The following COL5A2 variants were observed in gnomAD, a reference collection of about 807,000 sequenced individuals.
COL5A2 encodes collagen type V alpha 2 chain, also known as collagen alpha-2(V) chain.
Under a neutral mutation model 208.2 loss-of-function variants are expected in COL5A2, and 23 were observed. The ratio of observed to expected loss-of-function variants is 0.11; its 90% CI spans 0.08 to 0.16. The LOEUF (loss-of-function observed/expected upper bound fraction) is 0.16, where lower values mean the gene tolerates loss of function less well. Ranked by LOEUF, COL5A2 falls within the 10% of genes least tolerant of loss-of-function variation. COL5A2 has a pLI of 1.00. For synonymous variants in COL5A2, 625 were observed against 628.5 expected, an observed-to-expected ratio of 0.99 and a Z score of 0.08; for missense variants, 1,590 against 1,956.4, an observed-to-expected ratio of 0.81 and a Z score of 3.53.
chr2:189,073,483 T>C (rs1010291233), intron 17 of COL5A2, among the ~76,000 whole-genome samples: 1 of 152,180 alleles, frequency 6.6e-6, no homozygotes, highest in Non-Finnish European at 1.5e-5. Context: ...CTTTAAAAAA[T>C]ACTGATTTCT....
the COL5A2 span, among the ~76,000 whole-genome samples, chr2:189,329,569 C>G: frequency 6.6e-6 from 1 of 152,062 alleles, no homozygotes; most frequent in African/African-American, 2.4e-5. Flanking sequence ...TATATCAAAA[C>G]ATGTTGTATA....
chr2:189,274,067 T>C, the COL5A2 span, among the ~76,000 whole-genome samples: 1 of 152,170 alleles, frequency 6.6e-6, no homozygotes, highest in Non-Finnish European at 1.5e-5. Context: ...GATTTAGCTG[T>C]TCTACAATGT....
At chr2:189,412,081 C>T in the COL5A2 span, among the ~76,000 whole-genome samples, 1 of 152,118 alleles carries the variant, frequency 6.6e-6, no homozygotes, top group Non-Finnish European at 1.5e-5. Flanking sequence ...TGACTTTACA[C>T]ATGGAAATTA....
At chr2:189,100,502 G>A (rs1687026713) in intron 3 of COL5A2, among the ~76,000 whole-genome samples, 1 of 151,826 alleles carries the variant, frequency 6.6e-6, no homozygotes, top group African/African-American at 2.4e-5. Context: ...AACACAAAAA[G>A]AGCCAGAAAT....
chr2:189,375,604 G>A, the COL5A2 span, among the ~76,000 whole-genome samples: 1 of 152,142 alleles, frequency 6.6e-6, no homozygotes. Flanking sequence ...TAATAGAAGA[G>A]TTTTCCAGGT....
At position 189,034,030 on chromosome 2, in the gene COL5A2, A is replaced by G; in HGVS notation, c.*40T>C. On this transcript the variant is annotated 3_prime_UTR_variant, in exon 54 of 54. Coordinates refer to ENST00000374866, the MANE Select transcript of COL5A2 (RefSeq NM_000393.5). ...AAAGTTCTTGTGAATGGCGGTGGTC[A>G]TTGATGGTGGTGCTCATTGTCGATG... 6.2e-7 allele frequency: 1 copy of G among 1,613,500 alleles called. No individual in the cohort carries two copies. The highest frequency in any genetic ancestry group is 1.7e-4 in the Middle Eastern group (1 of 6,056).
chr2:189,041,748 C>T, intron 49 of COL5A2, 55 bp from the exon 50 acceptor site: 1 of 1,137,708 alleles, frequency 8.8e-7, no homozygotes, highest in South Asian at 1.2e-5. Context: ...TTTTACAATG[C>T]CTTTCTCTAA....
At chr2:189,278,632 T>C in the COL5A2 span, among the ~76,000 whole-genome samples, 3 of 152,132 alleles carry the variant, frequency 2.0e-5, no homozygotes, top group Non-Finnish European at 4.4e-5. Context: ...CTGAATTCTT[T>C]CATTTTTCTT....
chr2:189,291,381 C>T, the COL5A2 span, among the ~76,000 whole-genome samples: 1 of 152,100 alleles, frequency 6.6e-6, no homozygotes, highest in Admixed American at 6.6e-5. Context: ...CATTTTGCTA[C>T]ACATTATTTC....
chr2:189,153,224 C>A (rs771345302), intron 1 of COL5A2, among the ~76,000 whole-genome samples: 1 of 152,110 alleles, frequency 6.6e-6, no homozygotes, highest in Non-Finnish European at 1.5e-5. Flanking sequence ...GGGCAAAAAA[C>A]GTAATGTTAC....
chr2:189,251,528 C>A, the COL5A2 span, among the ~76,000 whole-genome samples: 1 of 152,066 alleles, frequency 6.6e-6, no homozygotes, highest in Non-Finnish European at 1.5e-5. Context: ...TTAAATAGTT[C>A]TTTATTGTCT....
the COL5A2 span, among the ~76,000 whole-genome samples, chr2:189,365,505 TGTC>T: frequency 6.6e-6 from 1 of 152,230 alleles, no homozygotes; most frequent in Non-Finnish European, 1.5e-5. Context: ...TTCTGCCACT[TGTC>T]AGTTCTATGG....
chr2:189,058,824 T>C, intron 32 of COL5A2, 25 bp downstream of exon 32: 1 of 1,608,706 alleles, frequency 6.2e-7, no homozygotes, highest in Non-Finnish European at 8.5e-7. Flanking sequence ...GAAACAACAT[T>C]AATCATGAAG....
At chr2:189,180,355 T>C (rs991771258), upstream of COL5A2, among the ~76,000 whole-genome samples, 1 of 152,166 alleles carries the variant, frequency 6.6e-6, no homozygotes, top group Non-Finnish European at 1.5e-5. Context: ...TTGTGATACA[T>C]TGTAATTTGA....
chr2:189,058,371 G>T (rs1576498922), intron 33 of COL5A2, 58 bp downstream of exon 33: 2 of 1,276,954 alleles, frequency 1.6e-6, no homozygotes, highest in Non-Finnish European at 2.3e-6. Context: ...ACCATCATGC[G>T]TTTATTAAGC....
chr2:189,033,773 G>A lies in COL5A2; in HGVS notation c.*297C>T, dbSNP rs137988249. 1.3e-4 allele frequency: 53 copies of A among 397,950 alleles called. No homozygotes were observed. Among genetic ancestry groups the A allele is most frequent in the African/African-American group, 8.5e-4 (42 of 49,670 alleles). 24.7% of individuals were successfully genotyped at this position (397,950 alleles called of 1,614,324 possible). A position where few individuals can be genotyped will look rare whatever the true frequency, so the allele number is the denominator to read the frequency against. On this transcript the variant is annotated 3_prime_UTR_variant, in exon 54 of 54. Coordinates refer to ENST00000374866, the MANE Select transcript of COL5A2 (RefSeq NM_000393.5). The stretch of plus-strand genomic sequence containing the variant: ...TACACTGAAATAAATTGAAGAAAAC[G>A]GAGATTTATTTATTCAATCAGTTTA...
chr2:189,061,546 C>G lies in COL5A2; in HGVS notation c.2031+16G>C. On this transcript the variant is annotated intron_variant, in intron 30 of 53. Coordinates refer to ENST00000374866, the MANE Select transcript of COL5A2 (RefSeq NM_000393.5). ...AGTTAATGGAAGATGAAATGGAAAACCGAATTAGTGCATACCTGAAAACCT... is the reference window on the plus strand; with the variant it reads ...AGTTAATGGAAGATGAAATGGAAAAGCGAATTAGTGCATACCTGAAAACCT... 1 of 1,598,200 alleles carries G rather than the reference C, an allele frequency of 6.3e-7. No individual in the cohort carries two copies. Among genetic ancestry groups the G allele is most frequent in the Middle Eastern group, 1.7e-4 (1 of 6,030 alleles).
At chr2:189,315,256 C>T in the COL5A2 span, among the ~76,000 whole-genome samples, 1 of 152,112 alleles carries the variant, frequency 6.6e-6, no homozygotes. Flanking sequence ...AAGCTTCATC[C>T]CTGGGATGCA....
chr2:189,393,208 T>C, the COL5A2 span, among the ~76,000 whole-genome samples: 2 of 152,166 alleles, frequency 1.3e-5, no homozygotes, highest in African/African-American at 4.8e-5. Flanking sequence ...ACAAAAAAAT[T>C]GCTTTCAGCT....
Sources: allele counts gnomAD v4.1 joint callset (sites outside exome capture counted in the v4.1 genomes callset), GRCh38; gene constraint gnomAD v4.1.1; transcripts MANE v1.5; gene names NCBI Gene and HGNC (gene_info 2026-07-23, HGNC 2026-07-21).